The following PCDHA12 variants were observed in gnomAD, a reference collection of about 807,000 sequenced individuals.
PCDHA12 encodes protocadherin alpha 12, also known as protocadherin alpha-12.
A neutral mutation model predicts 60.0 loss-of-function variants in PCDHA12; 44 were observed. That is an observed-to-expected ratio of 0.73 (90% confidence interval 0.58 to 0.94). The LOEUF is 0.94. Among genes scored for constraint, PCDHA12 ranks in the 40% least tolerant of loss-of-function variants. The probability of loss-of-function intolerance (pLI) is 0.00; values close to 1 mark genes in which losing one functional copy is unlikely to be tolerated. For missense variants in PCDHA12, 1,276 were observed against 1,239.7 expected, an observed-to-expected ratio of 1.03 and a Z score of -0.44; for synonymous variants, 569 against 553.0, an observed-to-expected ratio of 1.03 and a Z score of -0.40.
At chr5:141,007,030 A>G (rs1554261014) in intron 3 of PCDHA12, among the ~76,000 whole-genome samples, 1 of 152,186 alleles carries the variant, frequency 6.6e-6, no homozygotes, top group African/African-American at 2.4e-5. Flanking sequence ...TATGGTATTT[A>G]TATCTATGGA....
chr5:140,908,846 T>C (rs2074185614), intron 1 of PCDHA12, among the ~76,000 whole-genome samples: 1 of 152,176 alleles, frequency 6.6e-6, no homozygotes, highest in South Asian at 2.1e-4. Context: ...TGGAGTAACA[T>C]ACCCAAATGA....
Position 140,877,318 on chromosome 5 carries a change from G to A in PCDHA12, c.1846G>A (p.Val616Ile). The change falls in exon 1 of 4, where the codon GTC (valine) becomes ATC (isoleucine). Residue 616 changes from valine (V) to isoleucine (I), a missense_variant. By Grantham distance (29) the Val-to-Ile change is conservative. Coordinates refer to ENST00000398631, the MANE Select transcript of PCDHA12 (RefSeq NM_018903.4). ...WLSYELQPAA[V>I]GAHIPFHVGL... is the part of the protein sequence containing the mutation. The stretch of plus-strand genomic sequence containing the variant: ...GTCCTACGAGTTGCAACCGGCGGCG[G>A]TCGGCGCGCACATCCCGTTCCACGT... The A allele has an allele frequency of 6.2e-7, 1 of 1,614,000 alleles. No homozygotes were observed. Among genetic ancestry groups the A allele is most frequent in the Non-Finnish European group, 8.5e-7 (1 of 1,179,880 alleles).
At chr5:140,947,454 C>T (rs138457341) in intron 1 of PCDHA12, among the ~76,000 whole-genome samples, 1 of 151,582 alleles carries the variant, frequency 6.6e-6, no homozygotes, top group Non-Finnish European at 1.5e-5. Flanking sequence ...ATCCTCCAAC[C>T]TTGTTCTACT....
intron 1 of PCDHA12, among the ~76,000 whole-genome samples, chr5:140,956,457 G>T (rs1197742299): frequency 2.0e-5 from 3 of 152,184 alleles, no homozygotes; most frequent in African/African-American, 7.2e-5. Flanking sequence ...TACATTTATT[G>T]ATTTGCATAT....
At chr5:140,965,521 G>A (rs1554227745) in intron 1 of PCDHA12, among the ~76,000 whole-genome samples, 2 of 150,836 alleles carry the variant, frequency 1.3e-5, no homozygotes, top group East Asian at 3.9e-4. Flanking sequence ...TAACTGCAAA[G>A]CATTAATGGA....
intron 1 of PCDHA12, among the ~76,000 whole-genome samples, chr5:140,977,613 G>T (rs1554238687): frequency 2.0e-5 from 3 of 152,150 alleles, no homozygotes; most frequent in African/African-American, 7.2e-5. Flanking sequence ...TTGAGGTAAA[G>T]TATCCCAGAG....
At chr5:140,971,244 A>G (rs1389573593) in intron 1 of PCDHA12, among the ~76,000 whole-genome samples, 6 of 152,174 alleles carry the variant, frequency 3.9e-5, no homozygotes, top group Non-Finnish European at 8.8e-5. Context: ...GGGCAATTTG[A>G]TACATAAACT....
chr5:140,914,187 A>G (rs2076635858), intron 1 of PCDHA12, among the ~76,000 whole-genome samples: 1 of 152,110 alleles, frequency 6.6e-6, no homozygotes, highest in African/African-American at 2.4e-5. Flanking sequence ...TTCTCCACCT[A>G]TTATTGTATT....
intron 3 of PCDHA12, among the ~76,000 whole-genome samples, chr5:140,999,125 G>C (rs1554256627): frequency 6.6e-6 from 1 of 152,152 alleles, no homozygotes; most frequent in South Asian, 2.1e-4. Context: ...TTCTAAGCTG[G>C]AAAATGTCAC....
chr5:140,981,625 C>T (rs1554243036), intron 2 of PCDHA12, among the ~76,000 whole-genome samples: 2 of 152,096 alleles, frequency 1.3e-5, no homozygotes, highest in Non-Finnish European at 2.9e-5. Context: ...TGAGGGTTTT[C>T]TTGGACATTT....
At chr5:140,910,451 G>A (rs2075030507) in intron 1 of PCDHA12, among the ~76,000 whole-genome samples, 1 of 152,190 alleles carries the variant, frequency 6.6e-6, no homozygotes. Flanking sequence ...GTAGTTGAGT[G>A]ACTGTGGTTC....
Position 140,877,716 on chromosome 5 carries a change from G to A in PCDHA12, c.2244G>A (p.Trp748Ter). The A allele has an allele frequency of 6.2e-7, 1 of 1,614,116 alleles. No individual in the cohort carries two copies. The highest frequency in any genetic ancestry group is 8.5e-7 in the Non-Finnish European group (1 of 1,180,012). ...TLVCSSAVGS[W>*]SYSQQRRQRV... The stretch of plus-strand genomic sequence containing the variant: ...TGTGCTCCAGCGCCGTGGGGAGTTG[G>A]TCTTACTCGCAGCAGAGGAGGCAGA... The change falls in exon 1 of 4, where the codon TGG becomes TGA. Residue 748 changes from tryptophan to a stop codon, truncating the protein, a stop_gained. Transcript: ENST00000398631. LOFTEE classifies it high-confidence loss of function.
intron 1 of PCDHA12, among the ~76,000 whole-genome samples, chr5:140,914,392 AC>A (rs1554196309): frequency 6.6e-6 from 1 of 151,928 alleles, no homozygotes; most frequent in Non-Finnish European, 1.5e-5. Flanking sequence ...AAGTGTAGTT[AC>A]CCCTGCTCCT....
At chr5:140,909,632 A>G (rs781948813) in intron 1 of PCDHA12, among the ~76,000 whole-genome samples, 3 of 152,038 alleles carry the variant, frequency 2.0e-5, no homozygotes, top group South Asian at 2.1e-4. Flanking sequence ...TGGTCTTCCT[A>G]TTTTGTCTTT....
chr5:140,882,057 A>C, intron 1 of PCDHA12: 1 of 790,730 alleles, frequency 1.3e-6, no homozygotes, highest in Non-Finnish European at 1.9e-6. Context: ...ACTTACACTT[A>C]CACGTTCATG....
At position 140,992,594 on chromosome 5, in the gene PCDHA12, G is replaced by T. The variant is rs782416770; in HGVS notation, c.2515+10031G>T. On this transcript the variant is annotated intron_variant, in intron 3 of 3. Coordinates refer to ENST00000398631, the MANE Select transcript of PCDHA12 (RefSeq NM_018903.4). ...ATTGCCTGCCTTGTATGCATCTAGC[G>T]TCTGTGTCTAAGTGAAAGCAGATTA... Among the ~76,000 whole-genome samples, 5 of 152,266 alleles carry T rather than the reference G, an allele frequency of 3.3e-5. No individual in the cohort carries two copies. The East Asian group carries it at 7.7e-4, about 24-fold the overall frequency.
intron 1 of PCDHA12, among the ~76,000 whole-genome samples, chr5:140,975,810 A>T (rs1310331964): frequency 7.4e-6 from 1 of 134,690 alleles, no homozygotes; most frequent in African/African-American, 2.5e-5. Context: ...TTATAATTTT[A>T]ATAGGAACTG....
rs116952410 is a variant in PCDHA12, at chr5:140,893,392, C to A, written c.2367+15553C>A. On this transcript the variant is annotated intron_variant, in intron 1 of 3. Coordinates refer to ENST00000398631, the MANE Select transcript of PCDHA12 (RefSeq NM_018903.4). ...AGCATTTATGGGACAGTGGCTCATG[C>A]CTGTAATCCCAGCACTTAGGGAGGC... 2.0e-5 allele frequency among the ~76,000 whole-genome samples: 3 copies of A among 152,230 alleles called. No individual in the cohort carries two copies. The East Asian group carries it at 5.8e-4, about 29-fold the overall frequency.
chr5:140,897,722 T>G (rs1236534951), intron 1 of PCDHA12, among the ~76,000 whole-genome samples: 10 of 152,162 alleles, frequency 6.6e-5, no homozygotes, highest in Admixed American at 6.5e-4. Context: ...GATGGCTGGG[T>G]CAAATAGTAT....
Sources: allele counts gnomAD v4.1 joint callset (sites outside exome capture counted in the v4.1 genomes callset), GRCh38; gene constraint gnomAD v4.1.1; transcripts MANE v1.5; gene names NCBI Gene and HGNC (gene_info 2026-07-23, HGNC 2026-07-21).